BMP5: variants seen among roughly 807,000 people sequenced by gnomAD.
BMP5 encodes bone morphogenetic protein 5.
A neutral mutation model predicts 46.6 loss-of-function variants in BMP5; 23 were observed. The ratio of observed to expected loss-of-function variants is 0.49; its 90% CI spans 0.35 to 0.70. The LOEUF is 0.70. Among genes scored for constraint, BMP5 ranks in the 30% least tolerant of loss-of-function variants. The pLI, the probability that BMP5 is intolerant of heterozygous loss-of-function variation, is 0.00. For synonymous variants in BMP5, 204 were observed against 191.9 expected, an observed-to-expected ratio of 1.06 and a Z score of -0.52; for missense variants, 545 against 565.6, an observed-to-expected ratio of 0.96 and a Z score of 0.37.
At position 55,819,648 on chromosome 6, in the gene BMP5, A is replaced by G. The variant is rs1265129494; in HGVS notation, c.683+7T>C. ...CCAGGATAATAAGTTAAATAAAAAG[A>G]TTATACCTATTTGTGTATTCCTTGA... On this transcript the variant is annotated splice_region_variant and intron_variant, in intron 2 of 6. Coordinates refer to ENST00000370830, the MANE Select transcript of BMP5 (RefSeq NM_021073.4). 6 of 1,593,780 alleles carry G rather than the reference A, an allele frequency of 3.8e-6. No homozygotes were observed. In the South Asian group the frequency reaches 6.6e-5, roughly 18 times the overall value.
At chr6:55,805,151 T>C (rs920962789) in intron 2 of BMP5, among the ~76,000 whole-genome samples, 1 of 152,170 alleles carries the variant, frequency 6.6e-6, no homozygotes, top group African/African-American at 2.4e-5. Flanking sequence ...GGCAAAAGTG[T>C]TTGCTTGTTT....
intron 1 of BMP5, among the ~76,000 whole-genome samples, chr6:55,853,854 C>G (rs1286198158): frequency 6.6e-6 from 1 of 152,094 alleles, no homozygotes; most frequent in Non-Finnish European, 1.5e-5. Flanking sequence ...TTGTTTATAT[C>G]AAATCTACTG....
chr6:55,872,881 C>A (rs1392670250), intron 1 of BMP5, among the ~76,000 whole-genome samples: 2 of 151,802 alleles, frequency 1.3e-5, no homozygotes, highest in African/African-American at 4.8e-5. Context: ...AAATGTACCA[C>A]AAGCTACACT....
At chr6:55,866,055 A>G (rs1319628634) in intron 1 of BMP5, among the ~76,000 whole-genome samples, 3 of 152,150 alleles carry the variant, frequency 2.0e-5, no homozygotes, top group Non-Finnish European at 2.9e-5. Flanking sequence ...TTGCTTCCCC[A>G]CTAGATAAAT....
At chr6:55,770,680 C>T (rs1384506428) in intron 4 of BMP5, among the ~76,000 whole-genome samples, 1 of 151,898 alleles carries the variant, frequency 6.6e-6, no homozygotes, top group Admixed American at 6.6e-5. Context: ...ACATACCTTC[C>T]TCAATAAGCG....
intron 4 of BMP5, among the ~76,000 whole-genome samples, chr6:55,762,348 G>C (rs935009916): frequency 6.6e-6 from 1 of 151,960 alleles, no homozygotes; most frequent in Non-Finnish European, 1.5e-5. Flanking sequence ...GAGATCAAAG[G>C]AGCCCATCAT....
chr6:55,772,756 G>A (rs1582052191), intron 4 of BMP5: 2 of 984,952 alleles, frequency 2.0e-6, no homozygotes, highest in East Asian at 2.3e-4. Flanking sequence ...CACCTTATAA[G>A]CAGCATTTAA....
At chr6:55,782,746 A>G (rs1249897254) in intron 3 of BMP5, among the ~76,000 whole-genome samples, 1 of 152,150 alleles carries the variant, frequency 6.6e-6, no homozygotes, top group Non-Finnish European at 1.5e-5. Context: ...TGAAAAAGCC[A>G]ATTCAACATT....
At chr6:55,764,719 T>TA (rs530066820) in intron 4 of BMP5, among the ~76,000 whole-genome samples, 11,917 of 124,814 alleles carry the variant, frequency 0.095, 643 homozygotes, top group African/African-American at 0.17. Context: ...ATGTGTAAGC[T>TA]AAAAAAAAAA....
At chr6:55,834,153 A>C (rs1382152734) in intron 1 of BMP5, among the ~76,000 whole-genome samples, 1 of 152,106 alleles carries the variant, frequency 6.6e-6, no homozygotes, top group East Asian at 1.9e-4. Context: ...TTCTAGATGA[A>C]ATATAGGTCA....
In BMP5 at chr6:55,789,225, A is replaced by G. The variant is rs531420926; in HGVS notation, c.832+5054T>C. On this transcript the variant is annotated intron_variant, in intron 3 of 6. Coordinates refer to ENST00000370830, the MANE Select transcript of BMP5 (RefSeq NM_021073.4). ...TATAAGCAAGTTTGAATAGAAAGAA[A>G]AAAAGTCACTGGCAAAATTCATTCT... Among the ~76,000 whole-genome samples the G allele has an allele frequency of 1.2e-4, 18 of 152,172 alleles. No homozygotes were observed. The South Asian group carries it at 3.1e-3, about 26-fold the overall frequency.
At chr6:55,849,556 G>A (rs1456893897) in intron 1 of BMP5, among the ~76,000 whole-genome samples, 1 of 151,954 alleles carries the variant, frequency 6.6e-6, no homozygotes, top group Non-Finnish European at 1.5e-5. Flanking sequence ...TCTTATTTAA[G>A]GAAGAGCAAA....
intron 2 of BMP5, among the ~76,000 whole-genome samples, chr6:55,814,891 A>G (rs1253039182): frequency 6.6e-6 from 1 of 152,196 alleles, no homozygotes. Flanking sequence ...ACACTTTGGG[A>G]GGCTGAGGCG....
At chr6:55,816,845 A>T (rs941927428) in intron 2 of BMP5, among the ~76,000 whole-genome samples, 6 of 151,936 alleles carry the variant, frequency 3.9e-5, no homozygotes, top group African/African-American at 1.2e-4. Context: ...TGTCACTGTA[A>T]AGCCTTTGTA....
At chr6:55,837,998 T>C (rs1776861542) in intron 1 of BMP5, among the ~76,000 whole-genome samples, 3 of 152,210 alleles carry the variant, frequency 2.0e-5, no homozygotes, top group African/African-American at 7.2e-5. Context: ...TCTCATTCTT[T>C]TTCGTGGCTG....
chr6:55,841,902 C>CAGAG (rs1274692640), intron 1 of BMP5, among the ~76,000 whole-genome samples: 1 of 131,468 alleles, frequency 7.6e-6, no homozygotes, highest in Admixed American at 7.6e-5. Context: ...CAGCCCATAA[C>CAGAG]AGAGAGAGAG....
chr6:55,791,963 A>C (rs1245954603), intron 3 of BMP5, among the ~76,000 whole-genome samples: 1 of 152,192 alleles, frequency 6.6e-6, no homozygotes, highest in African/African-American at 2.4e-5. Context: ...TCTGACGATA[A>C]ATGTACAGTA....
chr6:55,763,154 C>T (rs896603451), intron 4 of BMP5, among the ~76,000 whole-genome samples: 11 of 151,848 alleles, frequency 7.2e-5, no homozygotes, highest in Admixed American at 6.6e-5. Context: ...TCATCTTTGT[C>T]TTAATTAAAA....
intron 2 of BMP5, among the ~76,000 whole-genome samples, chr6:55,798,833 G>C (rs921684315): frequency 6.6e-6 from 1 of 152,050 alleles, no homozygotes; most frequent in African/African-American, 2.4e-5. Flanking sequence ...ACTTGCATGA[G>C]TGCCTTTTAT....
Sources: gnomAD v4.1 joint callset for allele counts (sites outside exome capture counted in the v4.1 genomes callset) on GRCh38, gnomAD v4.1.1 for gene constraint, MANE v1.5 for transcripts, NCBI Gene and HGNC (gene_info 2026-07-23, HGNC 2026-07-21) for gene names.